SRBD1: variants seen among roughly 807,000 people sequenced by gnomAD.
The protein encoded by SRBD1 is S1 RNA binding domain 1.
In SRBD1, 88 loss-of-function variants were observed where a neutral mutation model predicts 115.3. The observed-to-expected ratio is 0.76, with a 90% confidence interval of 0.64 to 0.91. The LOEUF is 0.91. Ranked by LOEUF, SRBD1 falls within the 40% of genes least tolerant of loss-of-function variation. The probability of loss-of-function intolerance (pLI) is 0.00; values close to 1 mark genes in which losing one functional copy is unlikely to be tolerated. For synonymous variants in SRBD1, 509 were observed against 407.7 expected (o/e 1.25, Z -2.99); for missense variants, 1,385 against 1,177.4 (o/e 1.18, Z -2.58).
At chr2:45,606,543 G>A (rs1674280961) in intron 1 of SRBD1, among the ~76,000 whole-genome samples, 1 of 152,106 alleles carries the variant, frequency 6.6e-6, no homozygotes, top group African/African-American at 2.4e-5. Flanking sequence ...GACTGAGTAA[G>A]CAGCCAGGTT....
chr2:45,489,478 T>A lies in SRBD1; in HGVS notation c.1875-1147A>T, dbSNP rs139705457. On this transcript the variant is annotated intron_variant, in intron 14 of 20. Coordinates refer to ENST00000263736, the MANE Select transcript of SRBD1 (RefSeq NM_018079.5). ...TATGACAAATGTAAGCCACCACAACTTGAGAAGATTATTCTGGGGAATGTG... is the reference window on the plus strand; with the variant it reads ...TATGACAAATGTAAGCCACCACAACATGAGAAGATTATTCTGGGGAATGTG... Among the ~76,000 whole-genome samples, 11 of 152,274 alleles carry A rather than the reference T, an allele frequency of 7.2e-5. No individual in the cohort carries two copies. The East Asian group carries it at 2.1e-3, about 29-fold the overall frequency.
rs373140126 is a variant in SRBD1, at chr2:45,453,783, G to A, written c.2049+23210C>T. On this transcript the variant is annotated intron_variant, in intron 16 of 20. Transcript: ENST00000263736. ...AAATTACTCCTCTAATATATACAGA[G>A]AGAGACTAGAGAAAAAGTTCTGGGT... Among the ~76,000 whole-genome samples, 37 of 151,956 alleles carry A rather than the reference G, an allele frequency of 2.4e-4. No homozygotes were observed. The East Asian group carries it at 3.9e-3, about 16-fold the overall frequency.
intron 16 of SRBD1, among the ~76,000 whole-genome samples, chr2:45,433,081 C>T (rs1476625660): frequency 2.0e-5 from 3 of 152,070 alleles, no homozygotes; most frequent in Non-Finnish European, 4.4e-5. Context: ...AAGTGGATTC[C>T]TAGTGCAATA....
chr2:45,416,192 T>A (rs1002055762), intron 18 of SRBD1, among the ~76,000 whole-genome samples: 13 of 151,908 alleles, frequency 8.6e-5, no homozygotes, highest in Non-Finnish European at 1.9e-4. Context: ...AATAACAGAT[T>A]GAGTAAAACC....
intron 4 of SRBD1, among the ~76,000 whole-genome samples, chr2:45,590,925 G>T (rs971008267): frequency 6.6e-6 from 1 of 152,072 alleles, no homozygotes; most frequent in African/African-American, 2.4e-5. Context: ...ACTGAGACAG[G>T]GGAATCACTT....
intron 15 of SRBD1, among the ~76,000 whole-genome samples, chr2:45,483,433 TGC>T (rs1280175160): frequency 7.9e-6 from 1 of 126,714 alleles, no homozygotes; most frequent in Non-Finnish European, 1.9e-5. Context: ...GTATATAACT[TGC>T]ATGACCACAT....
chr2:45,427,050 C>T (rs917818465), intron 16 of SRBD1, among the ~76,000 whole-genome samples: 1 of 152,120 alleles, frequency 6.6e-6, no homozygotes, highest in African/African-American at 2.4e-5. Context: ...TAACAAACTA[C>T]TCCGAGCTAA....
rs75743065 is a variant in SRBD1, at chr2:45,453,839, A to G, written c.2049+23154T>C. On this transcript the variant is annotated intron_variant, in intron 16 of 20. Coordinates refer to ENST00000263736, the MANE Select transcript of SRBD1 (RefSeq NM_018079.5). The stretch of plus-strand genomic sequence containing the variant: ...TACAAATATAAAATAATTTGGAGAC[A>G]AAACATTCTTTTTAAAGATTCTTCT... Among the ~76,000 whole-genome samples, 266 of 152,114 alleles carry G rather than the reference A, an allele frequency of 1.7e-3. 5 individuals carry two copies. The East Asian group carries it at 0.041, about 23-fold the overall frequency.
intron 10 of SRBD1, among the ~76,000 whole-genome samples, chr2:45,558,578 G>A (rs753737215): frequency 3.3e-5 from 5 of 151,602 alleles, no homozygotes; most frequent in Non-Finnish European, 5.9e-5. Context: ...CTTATGTAAT[G>A]ACAAGACTGC....
intron 16 of SRBD1, among the ~76,000 whole-genome samples, 176 bp downstream of exon 16, chr2:45,476,817 A>T (rs772016428): frequency 6.6e-6 from 1 of 152,234 alleles, no homozygotes; most frequent in Non-Finnish European, 1.5e-5. Flanking sequence ...CACGAGAACA[A>T]CAATGACAAA....
At chr2:45,428,731 C>T (rs1168313795) in intron 16 of SRBD1, among the ~76,000 whole-genome samples, 2 of 152,144 alleles carry the variant, frequency 1.3e-5, no homozygotes, top group Middle Eastern at 3.4e-3. Flanking sequence ...CTAAAATTGA[C>T]ACTCTAATAT....
chr2:45,526,237 T>C (rs1177826819), intron 14 of SRBD1, among the ~76,000 whole-genome samples: 10 of 152,054 alleles, frequency 6.6e-5, no homozygotes, highest in South Asian at 4.1e-4. Context: ...AAACAAAATG[T>C]TGTATATCCA....
intron 4 of SRBD1, among the ~76,000 whole-genome samples, chr2:45,594,187 ACC>A (rs1673818244): frequency 6.6e-6 from 1 of 152,170 alleles, no homozygotes; most frequent in Non-Finnish European, 1.5e-5. Context: ...AGAAATGTTG[ACC>A]ACTTTTTGTC....
intron 16 of SRBD1, among the ~76,000 whole-genome samples, chr2:45,429,543 C>T (rs1668266658): frequency 6.6e-6 from 1 of 151,972 alleles, no homozygotes; most frequent in Non-Finnish European, 1.5e-5. Flanking sequence ...ATAACAAAAA[C>T]TACATGATTA....
At chr2:45,395,346 G>A (rs1450863750) in intron 19 of SRBD1, among the ~76,000 whole-genome samples, 1 of 152,170 alleles carries the variant, frequency 6.6e-6, no homozygotes, top group Non-Finnish European at 1.5e-5. Context: ...TCTATCTTAA[G>A]GTTGCTTGCA....
intron 14 of SRBD1, among the ~76,000 whole-genome samples, chr2:45,494,146 T>G (rs765674205): frequency 2.0e-5 from 3 of 152,180 alleles, no homozygotes; most frequent in Non-Finnish European, 4.4e-5. Flanking sequence ...GTAAAATATT[T>G]TTATCTCATG....
intron 19 of SRBD1, among the ~76,000 whole-genome samples, chr2:45,405,050 C>G (rs1667393280): frequency 6.6e-6 from 1 of 152,066 alleles, no homozygotes; most frequent in South Asian, 2.1e-4. Flanking sequence ...ATTTTCAAAC[C>G]CTTACCCACA....
intron 14 of SRBD1, among the ~76,000 whole-genome samples, chr2:45,488,816 C>T (rs573030737): frequency 3.6e-4 from 55 of 151,644 alleles, no homozygotes; most frequent in African/African-American, 1.2e-3. Flanking sequence ...CCATCATAAG[C>T]ACTGTTATTG....
At chr2:45,538,808 T>C (rs1241284179) in intron 14 of SRBD1, among the ~76,000 whole-genome samples, 2 of 152,172 alleles carry the variant, frequency 1.3e-5, no homozygotes, top group Middle Eastern at 3.2e-3. Flanking sequence ...AGAAAATATA[T>C]AAAAACATTA....
Sources: allele counts gnomAD v4.1 joint callset (sites outside exome capture counted in the v4.1 genomes callset), GRCh38; gene constraint gnomAD v4.1.1; transcripts MANE v1.5; gene names NCBI Gene and HGNC (gene_info 2026-07-23, HGNC 2026-07-21).